The following EDARADD variants were observed in gnomAD, a reference collection of about 807,000 sequenced individuals.
The protein encoded by EDARADD is ectodysplasin-A receptor-associated adapter protein.
In EDARADD, 20 loss-of-function variants were observed where a neutral mutation model predicts 25.6. The observed-to-expected ratio is 0.78, with a 90% CI of 0.55 to 1.14. The LOEUF (loss-of-function observed/expected upper bound fraction) is 1.14. Ranked by LOEUF, EDARADD falls within the 50% of genes most tolerant of loss-of-function variation. EDARADD has a pLI of 0.00. For synonymous variants in EDARADD, 86 were observed against 94.4 expected (o/e 0.91, Z 0.52); for missense variants, 225 against 270.1 (o/e 0.83, Z 1.17).
Position 236,483,203 on chromosome 1 carries a change from C to G in EDARADD, c.*554C>G. 1 of 1,580,098 alleles carries G rather than the reference C, an allele frequency of 6.3e-7. No individual in the cohort carries two copies. Among genetic ancestry groups the G allele is most frequent in the Middle Eastern group, 2.0e-4 (1 of 5,120 alleles). On this transcript the variant is annotated 3_prime_UTR_variant, in exon 6 of 6. Coordinates refer to ENST00000334232, the MANE Select transcript of EDARADD (RefSeq NM_145861.4). Reference sequence around the variant, plus strand: ...AGATCCATGCCAGGGAGCTCTTTGACTCTCGTGGGAATCCCACTGTTGAGG... The same window carrying G: ...AGATCCATGCCAGGGAGCTCTTTGAGTCTCGTGGGAATCCCACTGTTGAGG...
At chr1:236,348,975 A>C (rs1666882346) in intron 2 of EDARADD, 4 of 131,164 alleles carry the variant, frequency 3.0e-5, no homozygotes, top group Admixed American at 3.0e-4. Context: ...AGGTACCCCC[A>C]AAATAAAATA....
At chr1:236,434,732 G>A (rs1008769421) in intron 4 of EDARADD, among the ~76,000 whole-genome samples, 1 of 152,174 alleles carries the variant, frequency 6.6e-6, no homozygotes, top group Non-Finnish European at 1.5e-5. Flanking sequence ...AGGTGATGAG[G>A]CTGGAAGGTA....
intron 4 of EDARADD, among the ~76,000 whole-genome samples, chr1:236,441,191 C>T (rs961842763): frequency 6.7e-6 from 1 of 150,070 alleles, no homozygotes; most frequent in African/African-American, 2.4e-5. Flanking sequence ...TTTTAGTGGT[C>T]TAGATAAAAG....
At chr1:236,409,382 C>A in intron 2 of EDARADD, 108 bp downstream of exon 2, 1 of 844,894 alleles carries the variant, frequency 1.2e-6, no homozygotes, top group Non-Finnish European at 1.9e-6. Context: ...TCAGAAACCC[C>A]AAAGTAAGAT....
At chr1:236,367,322 C>T (rs909550759) in intron 3 of EDARADD, among the ~76,000 whole-genome samples, 13 of 152,018 alleles carry the variant, frequency 8.6e-5, no homozygotes, top group African/African-American at 2.9e-4. Context: ...CTCCGCCTCC[C>T]AAGTTCAATT....
At chr1:236,475,154 A>AC (rs779162950) in intron 5 of EDARADD, among the ~76,000 whole-genome samples, 2 of 144,076 alleles carry the variant, frequency 1.4e-5, no homozygotes, top group Non-Finnish European at 3.2e-5. Flanking sequence ...ACAAAACAAG[A>AC]CAAAAAAAAA....
chr1:236,438,686 G>A (rs188012034), intron 4 of EDARADD, among the ~76,000 whole-genome samples: 11 of 152,186 alleles, frequency 7.2e-5, no homozygotes, highest in Admixed American at 2.6e-4. Context: ...TACGCTTTAC[G>A]TTTTTGGAGA....
intron 3 of EDARADD, among the ~76,000 whole-genome samples, chr1:236,372,128 G>A (rs911283949): frequency 4.0e-5 from 6 of 151,170 alleles, no homozygotes; most frequent in Middle Eastern, 3.4e-3. Flanking sequence ...GGCTAATTTT[G>A]TATTTTTAGT....
chr1:236,368,243 A>G (rs1336210874), intron 3 of EDARADD, among the ~76,000 whole-genome samples: 1 of 152,172 alleles, frequency 6.6e-6, no homozygotes, highest in Non-Finnish European at 1.5e-5. Flanking sequence ...CATCAGCATC[A>G]CAAGGAAGCC....
intron 4 of EDARADD, among the ~76,000 whole-genome samples, chr1:236,428,763 A>T (rs1400811227): frequency 2.0e-5 from 3 of 150,188 alleles, no homozygotes; most frequent in Non-Finnish European, 4.5e-5. Flanking sequence ...CAATCTCGGC[A>T]CTTTGGGAGG....
chr1:236,482,738 T>C lies in EDARADD; in HGVS notation c.*89T>C, dbSNP rs757623127. On this transcript the variant is annotated 3_prime_UTR_variant, in exon 6 of 6. Transcript: ENST00000334232. ...GTGAATCTGTTGTTTTATAAGAGTT[T>C]AGGACAAGGACGTGGAACAGTGGAC... 2 of 1,588,936 alleles carry C rather than the reference T, an allele frequency of 1.3e-6. No individual in the cohort carries two copies. The highest frequency in any genetic ancestry group is 2.2e-5 in the East Asian group (1 of 44,802).
chr1:236,413,573 A>G (rs530816748), intron 2 of EDARADD, among the ~76,000 whole-genome samples: 2 of 152,328 alleles, frequency 1.3e-5, no homozygotes, highest in African/African-American at 4.8e-5. Flanking sequence ...CATTCCTCTC[A>G]TGGACGTTTT....
intron 3 of EDARADD, among the ~76,000 whole-genome samples, chr1:236,419,999 G>T (rs1395220090): frequency 6.6e-6 from 1 of 152,100 alleles, no homozygotes; most frequent in Non-Finnish European, 1.5e-5. Flanking sequence ...TCAACATGGC[G>T]ATACCCCGTC....
intron 3 of EDARADD, among the ~76,000 whole-genome samples, chr1:236,367,836 T>C (rs1462983747): frequency 6.6e-6 from 1 of 152,162 alleles, no homozygotes; most frequent in Non-Finnish European, 1.5e-5. Context: ...TGATTGGGCA[T>C]TGTGGCTCAT....
At chr1:236,452,069 A>G (rs1658727705) in intron 4 of EDARADD, among the ~76,000 whole-genome samples, 1 of 152,154 alleles carries the variant, frequency 6.6e-6, no homozygotes, top group Non-Finnish European at 1.5e-5. Context: ...TCATGCCCAC[A>G]GGTTAGGTCT....
chr1:236,443,838 G>C (rs955154037), intron 4 of EDARADD, among the ~76,000 whole-genome samples: 9 of 152,164 alleles, frequency 5.9e-5, no homozygotes, highest in African/African-American at 1.9e-4. Context: ...TGAGAGAATT[G>C]ACTTCAATTT....
Position 236,395,507 on chromosome 1 carries a change from C to T in EDARADD, c.61+1002C>T. 1 of 1,528,740 alleles carries T rather than the reference C, an allele frequency of 6.5e-7. No homozygotes were observed. Among genetic ancestry groups the T allele is most frequent in the Non-Finnish European group, 8.8e-7 (1 of 1,142,120 alleles). 94.7% of individuals were successfully genotyped at this position (1,528,740 alleles called of 1,614,324 possible). On this transcript the variant is annotated intron_variant, in intron 1 of 5. Transcript: ENST00000334232. This position sits in a 1 kb window ranked among gnomAD's most constrained non-coding sequence, Gnocchi z 6.9. ...CGGAGGAGGGCAGGGGCGCGCAGAG[C>T]CACGGTTTGCTCCAGGCGCGTCGGA...
At chr1:236,413,928 C>T (rs1239034924) in intron 2 of EDARADD, among the ~76,000 whole-genome samples, 1 of 152,192 alleles carries the variant, frequency 6.6e-6, no homozygotes, top group Non-Finnish European at 1.5e-5. Flanking sequence ...CATCTGTCCT[C>T]ATAATTCATG....
At chr1:236,361,559 A>G (rs1667049236) in intron 3 of EDARADD, among the ~76,000 whole-genome samples, 1 of 150,392 alleles carries the variant, frequency 6.6e-6, no homozygotes, top group African/African-American at 2.5e-5. Flanking sequence ...CGAACTCCTG[A>G]CCTTCAGTGA....
Sources: gnomAD v4.1 joint callset for allele counts (sites outside exome capture counted in the v4.1 genomes callset) on GRCh38, gnomAD v4.1.1 for gene constraint, Gnocchi (gnomAD v3.1) non-coding constraint, MANE v1.5 for transcripts, NCBI Gene and HGNC (gene_info 2026-07-23, HGNC 2026-07-21) for gene names.